The following ANGPT4 variants were observed in gnomAD, a reference collection of about 807,000 sequenced individuals.
The protein encoded by ANGPT4 is angiopoietin-4.
Under a neutral mutation model 53.0 loss-of-function variants are expected in ANGPT4, and 50 were observed. The ratio of observed to expected loss-of-function variants is 0.94; its 90% CI spans 0.75 to 1.20. The LOEUF is 1.20. Ranked by LOEUF, ANGPT4 falls within the 50% of genes most tolerant of loss-of-function variation. The pLI, the probability that ANGPT4 is intolerant of heterozygous loss-of-function variation, is 0.00. For synonymous variants in ANGPT4, 251 were observed against 259.7 expected (o/e 0.97, Z 0.32); for missense variants, 648 against 637.1 (o/e 1.02, Z -0.18).
chr20:886,298 A>G (rs1981617741), intron 3 of ANGPT4, among the ~76,000 whole-genome samples: 1 of 152,238 alleles, frequency 6.6e-6, no homozygotes, highest in Non-Finnish European at 1.5e-5. Flanking sequence ...CAACCTCAAT[A>G]TCCATTAACT....
intron 1 of ANGPT4, among the ~76,000 whole-genome samples, chr20:906,273 C>A (rs537849566): frequency 2.6e-5 from 4 of 152,242 alleles, no homozygotes; most frequent in Middle Eastern, 3.4e-3. Context: ...AGGAAGCCAT[C>A]TGGAGGGGAA....
rs59115029 is a variant in ANGPT4, at chr20:887,887, G to GAGGAAGGAAGGAAGGA, written c.587+415_587+430dup. On this transcript the variant is annotated intron_variant, in intron 3 of 8. Coordinates refer to ENST00000381922, the MANE Select transcript of ANGPT4 (RefSeq NM_015985.4). Reference sequence around the variant, plus strand: ...AAATTTACGAGATAAATAAAAGAAGGAGGAAGGAAGGAAGGAAGGAAGGAA... The same window carrying GAGGAAGGAAGGAAGGA: ...AAATTTACGAGATAAATAAAAGAAGGAGGAAGGAAGGAAGGAAGGAAGGAAGGAAGGAAGGAAGGAA... 2.7e-3 allele frequency among the ~76,000 whole-genome samples: 407 copies of GAGGAAGGAAGGAAGGA among 150,784 alleles called. 1 individual carries two copies. Among genetic ancestry groups the GAGGAAGGAAGGAAGGA allele is most frequent in the African/African-American group, 9.0e-3 (368 of 40,728 alleles).
At chr20:913,257 C>G (rs533945376) in intron 1 of ANGPT4, among the ~76,000 whole-genome samples, 68 of 152,120 alleles carry the variant, frequency 4.5e-4, no homozygotes, top group African/African-American at 1.6e-3. Context: ...CTGAGATATG[C>G]CTGGACCAAG....
At chr20:889,817 C>G (rs1981762767) in intron 2 of ANGPT4, among the ~76,000 whole-genome samples, 1 of 152,170 alleles carries the variant, frequency 6.6e-6, no homozygotes, top group Non-Finnish European at 1.5e-5. Flanking sequence ...TAGTTCCTTC[C>G]CTGCTCTTTG....
intron 8 of ANGPT4, 100 bp from the exon 9 acceptor site, chr20:873,220 G>T: frequency 1.5e-5 from 19 of 1,271,228 alleles, no homozygotes; most frequent in Non-Finnish European, 2.0e-5. Flanking sequence ...ACTAATCGGG[G>T]CTGTTGCCTC....
chr20:872,730 G>A lies in ANGPT4; in HGVS notation c.*230C>T, dbSNP rs986640085. On this transcript the variant is annotated 3_prime_UTR_variant, in exon 9 of 9. Transcript: ENST00000381922. Reference sequence around the variant, plus strand: ...CCTGAAGGGGGAGGGAGAGAAGAGGGGCGAGGACTACATCAGAGGGATGGG... The same window carrying A: ...CCTGAAGGGGGAGGGAGAGAAGAGGAGCGAGGACTACATCAGAGGGATGGG... The A allele has an allele frequency of 2.2e-5, 12 of 553,648 alleles. No homozygotes were observed. The South Asian group carries it at 2.3e-4, about 11-fold the overall frequency. 34.3% of individuals were successfully genotyped at this position (553,648 alleles called of 1,614,324 possible).
intron 3 of ANGPT4, among the ~76,000 whole-genome samples, chr20:887,510 A>G (rs1052012363): frequency 3.9e-5 from 6 of 152,152 alleles, no homozygotes; most frequent in African/African-American, 9.7e-5. Flanking sequence ...TGGCTTGTTC[A>G]GTGGGTAGAT....
chr20:891,561 C>T (rs1203380999), intron 1 of ANGPT4, among the ~76,000 whole-genome samples: 1 of 152,174 alleles, frequency 6.6e-6, no homozygotes, highest in African/African-American at 2.4e-5. Flanking sequence ...TCACCATGCC[C>T]CCCACCCCTG....
chr20:889,100 G>A (rs531647150), intron 2 of ANGPT4, among the ~76,000 whole-genome samples: 2 of 152,272 alleles, frequency 1.3e-5, no homozygotes, highest in Admixed American at 6.5e-5. Context: ...AGCACTCTCT[G>A]CAGTAAGCCT....
intron 1 of ANGPT4, among the ~76,000 whole-genome samples, chr20:906,274 T>C (rs1229554651): frequency 6.6e-6 from 1 of 152,184 alleles, no homozygotes; most frequent in Non-Finnish European, 1.5e-5. Flanking sequence ...GGAAGCCATC[T>C]GGAGGGGAAC....
Position 870,939 on chromosome 20 carries a change from C to A in ANGPT4, c.*2021G>T, listed in dbSNP as rs1980917622. The A allele has an allele frequency of 6.6e-6, 1 of 152,186 alleles. No individual in the cohort carries two copies. Among genetic ancestry groups the A allele is most frequent in the African/African-American group, 2.4e-5 (1 of 41,430 alleles). 9.4% of individuals were successfully genotyped at this position (152,186 alleles called of 1,614,324 possible). ...AGCCAGGAAGGAATATTATCATCTC[C>A]ATTTTACAGATGGGAAAACTGAGGC... On this transcript the variant is annotated 3_prime_UTR_variant, in exon 9 of 9. Coordinates refer to ENST00000381922, the MANE Select transcript of ANGPT4 (RefSeq NM_015985.4).
At chr20:902,641 G>A (rs1982330063) in intron 1 of ANGPT4, among the ~76,000 whole-genome samples, 1 of 152,124 alleles carries the variant, frequency 6.6e-6, no homozygotes, top group Non-Finnish European at 1.5e-5. Context: ...TTTCTGTTAT[G>A]TTGACATTTG....
chr20:888,343 G>T lies in ANGPT4; in HGVS notation c.562C>A (p.Leu188Ile), dbSNP rs1467060739. The T allele has an allele frequency of 6.2e-7, 1 of 1,613,826 alleles. No homozygotes were observed. The highest frequency in any genetic ancestry group is 2.2e-5 in the East Asian group (1 of 44,868). ...ENQLLLQRQK[L>I]QQLQGQNSAL... is the part of the protein sequence containing the mutation. ...CTGTTTTGGCCCTGAAGCTGCTGGA[G>T]CTTCTGCCTCTGTAGCAGCAGCTGG... is the stretch of plus-strand genomic sequence containing the variant. The change falls in exon 3 of 9, where the codon CTC becomes ATC. Residue 188 changes from leucine (L) to isoleucine (I), a missense_variant. By Grantham distance (5) the Leu-to-Ile change is conservative (BLOSUM62 2). Coordinates refer to ENST00000381922, the MANE Select transcript of ANGPT4 (RefSeq NM_015985.4).
intron 1 of ANGPT4, among the ~76,000 whole-genome samples, chr20:902,130 AG>A (rs1467655858): frequency 6.6e-6 from 1 of 152,072 alleles, no homozygotes; most frequent in Non-Finnish European, 1.5e-5. Flanking sequence ...GCTTCAGGGG[AG>A]GGGGTTTCAA....
chr20:893,230 C>T (rs1459584131), intron 1 of ANGPT4, among the ~76,000 whole-genome samples: 3 of 152,238 alleles, frequency 2.0e-5, no homozygotes, highest in Non-Finnish European at 4.4e-5. Flanking sequence ...CACAGCCATA[C>T]TAGCAGGTCC....
chr20:899,286 T>C (rs1467513344), intron 1 of ANGPT4, among the ~76,000 whole-genome samples: 5 of 151,900 alleles, frequency 3.3e-5, no homozygotes, highest in Admixed American at 6.6e-5. Context: ...CTCTCTCTAT[T>C]GCCCAGGCTG....
chr20:914,911 G>A lies in ANGPT4; in HGVS notation c.309+995C>T, dbSNP rs556033987. Among the ~76,000 whole-genome samples, 26 of 152,222 alleles carry A rather than the reference G, an allele frequency of 1.7e-4. No individual in the cohort carries two copies. Among genetic ancestry groups the A allele is most frequent in the African/African-American group, 6.0e-4 (25 of 41,534 alleles). The stretch of plus-strand genomic sequence containing the variant: ...CATTCTACAGCAGCCCTGGTCTTGG[G>A]CCAAAACCACAGTGGCATCCTCAGC... On this transcript the variant is annotated intron_variant, in intron 1 of 8. Coordinates refer to ENST00000381922, the MANE Select transcript of ANGPT4 (RefSeq NM_015985.4). The surrounding 1 kb of genome is among the most constrained non-coding windows in gnomAD (Gnocchi z 5.0).
At position 913,774 on chromosome 20, in the gene ANGPT4, G is replaced by A. The variant is rs1982804659; in HGVS notation, c.309+2132C>T. ...GCCAGAAAGATGGACCATGAGAGAAGCCTAGGCCACAGGATGGGCTGGGCC... is the reference window on the plus strand; with the variant it reads ...GCCAGAAAGATGGACCATGAGAGAAACCTAGGCCACAGGATGGGCTGGGCC... On this transcript the variant is annotated intron_variant, in intron 1 of 8. Transcript: ENST00000381922. 2.0e-5 allele frequency among the ~76,000 whole-genome samples: 3 copies of A among 152,246 alleles called. No homozygotes were observed. The South Asian group carries it at 6.2e-4, about 31-fold the overall frequency.
In ANGPT4 at chr20:911,701, G is replaced by A. The variant is rs1341060833; in HGVS notation, c.309+4205C>T. Among the ~76,000 whole-genome samples the A allele has an allele frequency of 1.3e-5, 2 of 152,116 alleles. No individual in the cohort carries two copies. The highest frequency in any genetic ancestry group is 2.9e-5 in the Non-Finnish European group (2 of 68,034). ...ACAGTGGCTCGTGTCCGCCGTCCCA[G>A]CTACTTGGAAGACTGAGGCGGGAGG... On this transcript the variant is annotated intron_variant, in intron 1 of 8. Coordinates refer to ENST00000381922, the MANE Select transcript of ANGPT4 (RefSeq NM_015985.4). The surrounding 1 kb of genome is among the most constrained non-coding windows in gnomAD (Gnocchi z 4.9).
Sources: allele counts gnomAD v4.1 joint callset (sites outside exome capture counted in the v4.1 genomes callset), GRCh38; gene constraint gnomAD v4.1.1; non-coding constraint Gnocchi (gnomAD v3.1); transcripts MANE v1.5; gene names NCBI Gene and HGNC (gene_info 2026-07-23, HGNC 2026-07-21).